Variants in C3orf20 observed in about 807,000 individuals in gnomAD.
C3orf20 encodes uncharacterized protein C3orf20.
C3orf20 carries 76 observed loss-of-function variants against 88.3 expected under a neutral mutation model. That is an observed-to-expected ratio of 0.86 (90% CI 0.72 to 1.04). The LOEUF (loss-of-function observed/expected upper bound fraction) is 1.04, where lower values mean the gene tolerates loss of function less well. Ranked by LOEUF, C3orf20 falls within the 50% of genes least tolerant of loss-of-function variation. The pLI is 0.00. For synonymous variants in C3orf20, 436 were observed against 437.4 expected (o/e 1.00, Z 0.04); for missense variants, 1,056 against 1,123.3 (o/e 0.94, Z 0.86).
intron 8 of C3orf20, 25 bp from the exon 9 acceptor site, chr3:14,715,264 C>A: frequency 6.2e-7 from 1 of 1,605,488 alleles, no homozygotes; most frequent in Non-Finnish European, 8.5e-7. Context: ...CCGGTGGCAG[C>A]TACTCACTTC....
intron 8 of C3orf20, 67 bp downstream of exon 8, chr3:14,714,226 G>A (rs1006420724): frequency 6.4e-6 from 10 of 1,558,822 alleles, no homozygotes; most frequent in African/African-American, 1.4e-5. Flanking sequence ...GAGGACTGAG[G>A]TGGTGACTAC....
intron 1 of C3orf20, among the ~76,000 whole-genome samples, chr3:14,678,209 C>T (rs554292384): frequency 6.6e-6 from 1 of 152,222 alleles, no homozygotes; most frequent in Non-Finnish European, 1.5e-5. Context: ...GAGCATTCAA[C>T]TCTGTGCTGC....
intron 12 of C3orf20, among the ~76,000 whole-genome samples, chr3:14,734,757 C>T (rs2034651076): frequency 6.6e-6 from 1 of 151,960 alleles, no homozygotes; most frequent in African/African-American, 2.4e-5. Context: ...CTTATAAATA[C>T]TTTCTTATTT....
rs374600829 is a variant in C3orf20 at position 14,684,519 on chromosome 3, A to G, written c.625+137A>G. On this transcript the variant is annotated intron_variant, in intron 4 of 16. Transcript: ENST00000253697. Reference sequence around the variant, plus strand: ...TGGATGTGGAGCAACAGGGATTTTCAAATGCTACAGGTGAGTGGATGAATT... The same window carrying G: ...TGGATGTGGAGCAACAGGGATTTTCGAATGCTACAGGTGAGTGGATGAATT... 1,774 of 1,199,430 alleles carry G rather than the reference A, an allele frequency of 1.5e-3. 30 individuals carry two copies. The South Asian group carries it at 0.026, about 17-fold the overall frequency. The allele number at this position is 1,199,430 out of a possible 1,614,324, so 74.3% of individuals were successfully genotyped here.
chr3:14,749,857 G>A (rs1001112074), intron 12 of C3orf20, among the ~76,000 whole-genome samples: 4 of 151,934 alleles, frequency 2.6e-5, no homozygotes, highest in Admixed American at 6.6e-5. Context: ...AGCATACAAA[G>A]TTATCTGCTC....
At chr3:14,685,391 C>T (rs1336248007) in intron 4 of C3orf20, among the ~76,000 whole-genome samples, 1 of 151,856 alleles carries the variant, frequency 6.6e-6, no homozygotes, top group Admixed American at 6.6e-5. Flanking sequence ...AGACAGCAAG[C>T]AGTTGAGTCT....
intron 15 of C3orf20, among the ~76,000 whole-genome samples, chr3:14,763,953 A>C (rs1049395118): frequency 6.6e-6 from 1 of 152,208 alleles, no homozygotes; most frequent in African/African-American, 2.4e-5. Flanking sequence ...ATTGTTCAGG[A>C]ATGGTGAGGA....
At chr3:14,698,355 G>A (rs1316448238) in intron 5 of C3orf20, among the ~76,000 whole-genome samples, 1 of 152,186 alleles carries the variant, frequency 6.6e-6, no homozygotes, top group African/African-American at 2.4e-5. Flanking sequence ...TCAGTGTCTG[G>A]GCATTGAAGA....
chr3:14,758,951 C>T (rs1057022911), intron 13 of C3orf20, among the ~76,000 whole-genome samples: 4 of 152,226 alleles, frequency 2.6e-5, no homozygotes, highest in Non-Finnish European at 5.9e-5. Context: ...GATAAAATCC[C>T]TGCCCACGGG....
At chr3:14,682,127 C>G (rs2032124314) in intron 1 of C3orf20, 43 bp from the exon 2 acceptor site, 1 of 152,438 alleles carries the variant, frequency 6.6e-6, no homozygotes, top group African/African-American at 2.4e-5. Flanking sequence ...AGTGATTGAG[C>G]TTAGTAAATG....
intron 9 of C3orf20, 137 bp from the exon 10 acceptor site, chr3:14,721,516 C>G: frequency 3.9e-6 from 5 of 1,267,848 alleles, no homozygotes; most frequent in South Asian, 1.5e-5. Context: ...AAGCGGAATT[C>G]TAACATAAGA....
intron 14 of C3orf20, among the ~76,000 whole-genome samples, chr3:14,760,755 T>C (rs997405196): frequency 5.3e-5 from 8 of 151,744 alleles, no homozygotes; most frequent in African/African-American, 1.9e-4. Context: ...GACTACAGGT[T>C]CCCACCATCA....
At chr3:14,767,610 T>C (rs1178584233) in intron 15 of C3orf20, among the ~76,000 whole-genome samples, 2 of 152,232 alleles carry the variant, frequency 1.3e-5, no homozygotes, top group Non-Finnish European at 2.9e-5. Flanking sequence ...CCCTGTGAAC[T>C]GCAAAGCCCT....
chr3:14,712,615 A>G (rs577522398), intron 7 of C3orf20, among the ~76,000 whole-genome samples: 4 of 152,330 alleles, frequency 2.6e-5, no homozygotes, highest in Non-Finnish European at 5.9e-5. Context: ...TTGTGTGCCC[A>G]TTAACATAGG....
At chr3:14,725,871 A>G (rs951957533) in intron 10 of C3orf20, among the ~76,000 whole-genome samples, 2 of 89,960 alleles carry the variant, frequency 2.2e-5, no homozygotes, top group African/African-American at 3.5e-5. Context: ...AAGGCAGTGA[A>G]AAAAAAAAAA....
intron 15 of C3orf20, among the ~76,000 whole-genome samples, chr3:14,770,261 C>T (rs192914561): frequency 8.1e-4 from 124 of 152,198 alleles, no homozygotes; most frequent in African/African-American, 2.2e-3. Context: ...CTTGTGAGGC[C>T]GGATTGGAGG....
At chr3:14,686,985 G>A (rs1202093490) in intron 4 of C3orf20, among the ~76,000 whole-genome samples, 1 of 152,204 alleles carries the variant, frequency 6.6e-6, no homozygotes, top group Non-Finnish European at 1.5e-5. Context: ...ATTTCATGAA[G>A]TCAATGAAAG....
intron 15 of C3orf20, among the ~76,000 whole-genome samples, chr3:14,764,650 C>G (rs937189943): frequency 6.6e-6 from 1 of 152,108 alleles, no homozygotes; most frequent in Non-Finnish European, 1.5e-5. Flanking sequence ...GCTAAGTCAT[C>G]TCCAAGGTTT....
chr3:14,690,222 T>C, intron 5 of C3orf20, 106 bp downstream of exon 5: 1 of 1,492,756 alleles, frequency 6.7e-7, no homozygotes, highest in Admixed American at 1.9e-5. Flanking sequence ...TGATTTGGTC[T>C]TCTGATTAGA....
Sources: allele counts gnomAD v4.1 joint callset (sites outside exome capture counted in the v4.1 genomes callset), GRCh38; gene constraint gnomAD v4.1.1; transcripts MANE v1.5; gene names NCBI Gene and HGNC (gene_info 2026-07-23, HGNC 2026-07-21).